The following SLC24A2 variants were observed in gnomAD, a reference collection of about 807,000 sequenced individuals.
SLC24A2 encodes the protein solute carrier family 24 member 2.
Under a neutral mutation model 62.0 loss-of-function variants are expected in SLC24A2, and 36 were observed. The observed-to-expected ratio is 0.58, with a 90% CI of 0.44 to 0.77. The LOEUF is 0.77. Among genes scored for constraint, SLC24A2 ranks in the 30% least tolerant of loss-of-function variants. SLC24A2 has a pLI of 0.00. For synonymous variants in SLC24A2, 358 were observed against 294.0 expected (o/e 1.22, Z -2.23); for missense variants, 846 against 817.9 (o/e 1.03, Z -0.42).
chr9:19,550,236 G>T lies in SLC24A2; in HGVS notation c.1380C>A (p.Ser460Arg). 1 of 1,614,126 alleles carries T rather than the reference G, an allele frequency of 6.2e-7. No individual in the cohort carries two copies. The highest frequency in any genetic ancestry group is 2.2e-5 in the East Asian group (1 of 44,874). The stretch of plus-strand genomic sequence containing the variant: ...TGCGGGTTTCAGAAGGCCAGGCAAG[G>T]CTGAGAGGCTGGTCCTCCTCCTCAT... ...TADEEEDQPL[S>R]LAWPSETRKQ... The change falls in exon 8 of 11, where the codon AGC becomes AGA. Residue 460 changes from serine to arginine, a missense_variant. Ser to Arg is a moderately radical substitution (Grantham distance 110, BLOSUM62 -1). Coordinates refer to ENST00000341998, the MANE Select transcript of SLC24A2 (RefSeq NM_020344.4).
chr9:20,258,869 C>T, the SLC24A2 span, among the ~76,000 whole-genome samples: 2 of 150,796 alleles, frequency 1.3e-5, no homozygotes, highest in Non-Finnish European at 3.0e-5. Context: ...TCTATCTATC[C>T]ATCCATCCAT....
At chr9:19,663,083 C>G (rs375164949) in intron 2 of SLC24A2, among the ~76,000 whole-genome samples, 1 of 152,176 alleles carries the variant, frequency 6.6e-6, no homozygotes, top group Non-Finnish European at 1.5e-5. Context: ...AGGTAAATGG[C>G]TAACTGCCCA....
the SLC24A2 span, among the ~76,000 whole-genome samples, chr9:19,802,480 A>T: frequency 6.6e-6 from 1 of 152,220 alleles, no homozygotes; most frequent in Non-Finnish European, 1.5e-5. Flanking sequence ...ATGAATAAGA[A>T]TTGTTTGGAT....
chr9:19,985,676 A>G, the SLC24A2 span, among the ~76,000 whole-genome samples: 19 of 152,156 alleles, frequency 1.2e-4, no homozygotes, highest in Admixed American at 4.6e-4. Context: ...ATTGTTATGC[A>G]TTTGTCAAAA....
At chr9:19,812,439 CT>C in the SLC24A2 span, among the ~76,000 whole-genome samples, 1 of 152,108 alleles carries the variant, frequency 6.6e-6, no homozygotes, top group Non-Finnish European at 1.5e-5. Flanking sequence ...ATTGCTATCT[CT>C]AATCTCTTGT....
chr9:19,869,709 C>T, the SLC24A2 span, among the ~76,000 whole-genome samples: 17 of 152,266 alleles, frequency 1.1e-4, no homozygotes, highest in East Asian at 2.3e-3. Context: ...CTATCCTTGT[C>T]ATATGTATGA....
the SLC24A2 span, among the ~76,000 whole-genome samples, chr9:19,853,849 T>A: frequency 2.0e-5 from 3 of 152,248 alleles, no homozygotes; most frequent in Non-Finnish European, 2.9e-5. Flanking sequence ...TCTATCCTTT[T>A]CAATTGTTTG....
At chr9:19,689,583 C>T (rs149265408) in intron 2 of SLC24A2, among the ~76,000 whole-genome samples, 1 of 152,240 alleles carries the variant, frequency 6.6e-6, no homozygotes, top group Non-Finnish European at 1.5e-5. Context: ...CATTGACATG[C>T]TGGGGAAAGG....
the SLC24A2 span, among the ~76,000 whole-genome samples, chr9:20,050,703 T>A: frequency 3.9e-5 from 6 of 152,316 alleles, no homozygotes; most frequent in Admixed American, 1.3e-4. Context: ...TTACCCAGCA[T>A]AGTACAATAA....
the SLC24A2 span, among the ~76,000 whole-genome samples, chr9:19,888,645 G>C: frequency 6.6e-6 from 1 of 152,062 alleles, no homozygotes; most frequent in Non-Finnish European, 1.5e-5. Flanking sequence ...GAGAAATTTT[G>C]GTACTGATCT....
chr9:20,258,812 C>T, the SLC24A2 span, among the ~76,000 whole-genome samples: 56 of 139,242 alleles, frequency 4.0e-4, no homozygotes, highest in African/African-American at 1.5e-3. Flanking sequence ...ATCTATCTAT[C>T]TACCTTATCT....
intron 2 of SLC24A2, among the ~76,000 whole-genome samples, chr9:19,724,651 A>G (rs76054702): frequency 0.021 from 3,218 of 152,266 alleles, 125 homozygotes; most frequent in African/African-American, 0.073. Flanking sequence ...CATTCAGCTT[A>G]TGCCCAATCT....
At chr9:19,636,317 T>TTCCTTTCTTTCTC (rs1564009681) in intron 2 of SLC24A2, among the ~76,000 whole-genome samples, 2 of 10,724 alleles carry the variant, frequency 1.9e-4, no homozygotes, top group African/African-American at 6.0e-4. Flanking sequence ...TTCTTTTCTT[T>TTCCTTTCTTTCTC]TCTTTCTTTC....
the SLC24A2 span, among the ~76,000 whole-genome samples, chr9:20,306,475 G>A: frequency 6.6e-6 from 1 of 152,294 alleles, no homozygotes; most frequent in East Asian, 1.9e-4. Context: ...AAGACCCAAA[G>A]GCTTCTGCAA....
At chr9:20,253,504 C>G in the SLC24A2 span, among the ~76,000 whole-genome samples, 1 of 152,114 alleles carries the variant, frequency 6.6e-6, no homozygotes, top group Admixed American at 6.6e-5. Context: ...ATTGTTTATC[C>G]AAGGCCAATG....
chr9:20,306,320 GAAC>G, the SLC24A2 span, among the ~76,000 whole-genome samples: 312 of 152,178 alleles, frequency 2.1e-3, 2 homozygotes, highest in African/African-American at 6.7e-3. Flanking sequence ...TAACAATAGT[GAAC>G]AACAACAACA....
chr9:20,074,602 G>T, the SLC24A2 span, among the ~76,000 whole-genome samples: 1 of 42,980 alleles, frequency 2.3e-5, no homozygotes, highest in East Asian at 1.1e-3. Context: ...AGGAAGGAAG[G>T]AAAGAAGGGA....
chr9:19,775,474 T>C lies in SLC24A2; in HGVS notation c.930+10463A>G, dbSNP rs1290118349. Among the ~76,000 whole-genome samples the C allele has an allele frequency of 2.0e-5, 3 of 152,216 alleles. No homozygotes were observed. In the East Asian group the frequency reaches 5.8e-4, roughly 29 times the overall value. ...TTGGTGAGTGTTGGCCTCAGGATTCTACAGAAATCTGCATTGGTCAGAGTT... is the reference window on the plus strand; with the variant it reads ...TTGGTGAGTGTTGGCCTCAGGATTCCACAGAAATCTGCATTGGTCAGAGTT... On this transcript the variant is annotated intron_variant, in intron 2 of 10. Coordinates refer to ENST00000341998, the MANE Select transcript of SLC24A2 (RefSeq NM_020344.4).
chr9:20,133,630 T>C, the SLC24A2 span, among the ~76,000 whole-genome samples: 8 of 152,316 alleles, frequency 5.3e-5, no homozygotes, highest in African/African-American at 1.9e-4. Context: ...TAATCTATCT[T>C]CTGAAAACAC....
Sources: allele counts gnomAD v4.1 joint callset (sites outside exome capture counted in the v4.1 genomes callset), GRCh38; gene constraint gnomAD v4.1.1; transcripts MANE v1.5; gene names NCBI Gene and HGNC (gene_info 2026-07-23, HGNC 2026-07-21).